DOCK2: variants seen among roughly 807,000 people sequenced by gnomAD.
DOCK2 encodes the protein dedicator of cytokinesis protein 2.
In DOCK2, 87 loss-of-function variants were observed where a neutral mutation model predicts 248.9. That is an observed-to-expected ratio of 0.35 (90% CI 0.29 to 0.42). The LOEUF (loss-of-function observed/expected upper bound fraction) is 0.42, where lower values mean the gene tolerates loss of function less well. Among genes scored for constraint, DOCK2 ranks in the 10% least tolerant of loss-of-function variants. DOCK2 has a pLI of 1.00. For synonymous variants in DOCK2, 805 were observed against 821.6 expected (o/e 0.98, Z 0.35); for missense variants, 1,747 against 2,300.2 (o/e 0.76, Z 4.92).
intron 32 of DOCK2, among the ~76,000 whole-genome samples, chr5:170,017,319 CAA>C (rs1021088014): frequency 1.3e-4 from 20 of 151,914 alleles, no homozygotes; most frequent in Non-Finnish European, 2.6e-4. Flanking sequence ...GGATGGGTGC[CAA>C]AACTCACAAG....
chr5:169,714,120 G>C lies in DOCK2; in HGVS notation c.1752G>C (p.Arg584Ser). 6.2e-7 allele frequency: 1 copy of C among 1,613,916 alleles called. No homozygotes were observed. The highest frequency in any genetic ancestry group is 1.1e-5 in the South Asian group (1 of 91,048). The change falls in exon 18 of 52, where the codon AGG becomes AGC. Residue 584 changes from arginine to serine, a missense_variant. Around this residue, in one of 4 missense-constraint regions of DOCK2, gnomAD observed 858 missense variants for 1,183.5 expected, o/e 0.72. Coordinates refer to ENST00000520908, the MANE Select transcript of DOCK2 (RefSeq NM_004946.3). The part of the protein sequence containing the change: ...HVENKGATLS[R>S]SSSSVGGLSV... Reference sequence around the variant, plus strand: ...AAAACAAGGGGGCCACGCTGAGCAGGAGCTCCAGCAGTGTTGGGGGGCTTT... The same window carrying C: ...AAAACAAGGGGGCCACGCTGAGCAGCAGCTCCAGCAGTGTTGGGGGGCTTT...
intron 14 of DOCK2, among the ~76,000 whole-genome samples, chr5:169,707,015 G>A (rs535678513): frequency 6.6e-6 from 1 of 152,314 alleles, no homozygotes; most frequent in Admixed American, 6.5e-5. Flanking sequence ...CCATCAACAT[G>A]CCGAGAGGCA....
At position 169,774,050 on chromosome 5, in the gene DOCK2, G is replaced by A. The variant is rs143760715; in HGVS notation, c.2554+12425G>A. On this transcript the variant is annotated intron_variant, in intron 25 of 51. Coordinates refer to ENST00000520908, the MANE Select transcript of DOCK2 (RefSeq NM_004946.3). ...TCTTGGGTATGTCTTTATCAGCAGC[G>A]TGAAAATGGGCTAATACAAGCATCC... is the stretch of plus-strand genomic sequence containing the variant. Among the ~76,000 whole-genome samples, 1,086 of 152,168 alleles carry A rather than the reference G, an allele frequency of 7.1e-3. 12 individuals are homozygous for A. Among genetic ancestry groups the A allele is most frequent in the African/African-American group, 0.025 (1,024 of 41,496 alleles).
intron 26 of DOCK2, among the ~76,000 whole-genome samples, chr5:169,808,870 T>C (rs1767567760): frequency 6.6e-6 from 1 of 152,226 alleles, no homozygotes; most frequent in East Asian, 1.9e-4. Flanking sequence ...TGGCTGCATC[T>C]GAATCGTGGA....
chr5:169,702,302 G>A lies in DOCK2; in HGVS notation c.1259-1G>A. ...CTTGTCTCTCTCTCCCTCTGCCTCA[G>A]GGGATGTCAGGAACGACATCTACAT... On this transcript the variant is annotated splice_acceptor_variant, in intron 13 of 51. Coordinates refer to ENST00000520908, the MANE Select transcript of DOCK2 (RefSeq NM_004946.3). LOFTEE classifies it high-confidence loss of function. 1 of 1,613,516 alleles carries A rather than the reference G, an allele frequency of 6.2e-7. No homozygotes were observed. Among genetic ancestry groups the A allele is most frequent in the Non-Finnish European group, 8.5e-7 (1 of 1,179,674 alleles).
At chr5:169,848,820 G>C (rs1040472546) in intron 27 of DOCK2, among the ~76,000 whole-genome samples, 1 of 152,148 alleles carries the variant, frequency 6.6e-6, no homozygotes, top group Non-Finnish European at 1.5e-5. Flanking sequence ...AAAAAAGAAG[G>C]AAATTGGAAG....
Position 169,840,681 on chromosome 5 carries a change from G to C in DOCK2, c.2704-76G>C, listed in dbSNP as rs538850015. On this transcript the variant is annotated intron_variant, in intron 26 of 51. Coordinates refer to ENST00000520908, the MANE Select transcript of DOCK2 (RefSeq NM_004946.3). ...TTGAAGATCACCATGTCTGACCACT[G>C]TTGTCTGTGTCCTTTGTACAATTGT... 352 of 1,370,784 alleles carry C rather than the reference G, an allele frequency of 2.6e-4. 2 individuals are homozygous for C. The South Asian group carries it at 4.0e-3, about 16-fold the overall frequency. 84.9% of individuals were successfully genotyped at this position (1,370,784 alleles called of 1,614,324 possible).
intron 26 of DOCK2, among the ~76,000 whole-genome samples, chr5:169,838,647 T>C (rs1271660339): frequency 1.3e-5 from 2 of 152,240 alleles, no homozygotes; most frequent in Non-Finnish European, 2.9e-5. Flanking sequence ...TAGAAAGGGC[T>C]GGTTGGTGGG....
intron 27 of DOCK2, among the ~76,000 whole-genome samples, chr5:169,936,111 A>T (rs768672361): frequency 2.7e-4 from 41 of 152,192 alleles, no homozygotes; most frequent in Non-Finnish European, 4.3e-4. Flanking sequence ...CTTGTTAGAA[A>T]ATGTAACAAA....
intron 27 of DOCK2, among the ~76,000 whole-genome samples, chr5:169,976,944 G>A (rs968261684): frequency 7.9e-5 from 12 of 152,148 alleles, no homozygotes; most frequent in South Asian, 2.1e-4. Flanking sequence ...TGAACCTTGC[G>A]GATCAAAAAG....
In DOCK2 at chr5:169,764,082, G is replaced by C. The variant is rs145006660; in HGVS notation, c.2554+2457G>C. Among the ~76,000 whole-genome samples, 1,572 of 152,274 alleles carry C rather than the reference G, an allele frequency of 0.01. 11 individuals carry two copies. The highest frequency in any genetic ancestry group is 0.045 in the South Asian group (218 of 4,830). On this transcript the variant is annotated intron_variant, in intron 25 of 51. Transcript: ENST00000520908. The surrounding 1 kb of genome is among the most constrained non-coding windows in gnomAD (Gnocchi z 4.3). Reference sequence around the variant, plus strand: ...ATCTCTCTTTATACCCTTAAATAAGGTGAGTGTGATTCCTCTGGCCAAGTT... The same window carrying C: ...ATCTCTCTTTATACCCTTAAATAAGCTGAGTGTGATTCCTCTGGCCAAGTT...
intron 27 of DOCK2, among the ~76,000 whole-genome samples, chr5:169,879,234 G>A (rs1457763582): frequency 6.6e-6 from 1 of 152,210 alleles, no homozygotes; most frequent in African/African-American, 2.4e-5. Flanking sequence ...TGCACTGAGC[G>A]CATCCATCAT....
intron 27 of DOCK2, among the ~76,000 whole-genome samples, chr5:169,859,958 C>CTTTTTTTTTTT (rs759586059): frequency 9.3e-6 from 1 of 107,220 alleles, no homozygotes; most frequent in Non-Finnish European, 1.8e-5. Context: ...GTGGATCCTT[C>CTTTTTTTTTTT]TTTTTTTTTT....
intron 27 of DOCK2, among the ~76,000 whole-genome samples, chr5:169,979,100 G>A (rs1342136502): frequency 2.0e-5 from 3 of 152,120 alleles, no homozygotes; most frequent in Non-Finnish European, 2.9e-5. Context: ...ATTTCTGCCC[G>A]GGATGAAAAG....
chr5:169,703,262 G>A (rs567787741), intron 14 of DOCK2, among the ~76,000 whole-genome samples: 3 of 152,156 alleles, frequency 2.0e-5, no homozygotes, highest in African/African-American at 7.2e-5. Flanking sequence ...GATGGAAGAG[G>A]CATCATTTTT....
At chr5:170,041,589 A>G (rs1756520090) in intron 37 of DOCK2, among the ~76,000 whole-genome samples, 2 of 152,238 alleles carry the variant, frequency 1.3e-5, no homozygotes. Flanking sequence ...AGATAAGTGC[A>G]ACTCAACAAA....
chr5:169,909,982 T>C (rs1774503876), intron 27 of DOCK2, among the ~76,000 whole-genome samples: 2 of 152,112 alleles, frequency 1.3e-5, no homozygotes, highest in Admixed American at 1.3e-4. Flanking sequence ...GCACCAGCAT[T>C]TTTTTTAATG....
chr5:169,904,644 C>A (rs1239000375), intron 27 of DOCK2, among the ~76,000 whole-genome samples: 4 of 152,176 alleles, frequency 2.6e-5, no homozygotes, highest in Non-Finnish European at 5.9e-5. Context: ...CTAGTGAGGG[C>A]CCCGCAGTCC....
intron 26 of DOCK2, among the ~76,000 whole-genome samples, chr5:169,816,685 T>C (rs764829616): frequency 3.1e-4 from 47 of 152,278 alleles, no homozygotes; most frequent in South Asian, 8.3e-4. Context: ...CCTTTTCTTT[T>C]TTTTAATTTT....
Sources: allele counts gnomAD v4.1 joint callset (sites outside exome capture counted in the v4.1 genomes callset), GRCh38; gene constraint gnomAD v4.1.1; regional missense constraint gnomAD v4.1.1; non-coding constraint Gnocchi (gnomAD v3.1); transcripts MANE v1.5; gene names NCBI Gene and HGNC (gene_info 2026-07-23, HGNC 2026-07-21).